PEBP4: variants seen among roughly 807,000 people sequenced by gnomAD.
PEBP4 encodes the protein phosphatidylethanolamine-binding protein 4.
Under a neutral mutation model 23.9 loss-of-function variants are expected in PEBP4, and 22 were observed. The observed-to-expected ratio is 0.92, with a 90% CI of 0.66 to 1.31. PEBP4 has a LOEUF of 1.31. PEBP4 is among the 40% of genes most tolerant of loss of function. The pLI, the probability that PEBP4 is intolerant of heterozygous loss-of-function variation, is 0.00. For synonymous variants in PEBP4, 112 were observed against 99.3 expected (o/e 1.13, Z -0.76); for missense variants, 324 against 281.7 (o/e 1.15, Z -1.07).
At chr8:22,836,850 G>C (rs1225964076) in intron 3 of PEBP4, among the ~76,000 whole-genome samples, 1 of 151,714 alleles carries the variant, frequency 6.6e-6, no homozygotes, top group Non-Finnish European at 1.5e-5. Flanking sequence ...CATACTGCAT[G>C]AAAGGGAGAG....
chr8:22,867,160 C>T (rs982419620), intron 3 of PEBP4, among the ~76,000 whole-genome samples: 2 of 152,166 alleles, frequency 1.3e-5, no homozygotes, highest in African/African-American at 4.8e-5. Flanking sequence ...CTAAGAGAGC[C>T]ATCCCAGAGT....
intron 4 of PEBP4, among the ~76,000 whole-genome samples, chr8:22,809,220 C>T (rs1806564504): frequency 6.6e-6 from 1 of 152,132 alleles, no homozygotes; most frequent in African/African-American, 2.4e-5. Context: ...CCTGCGAGGT[C>T]GACTTTAGTT....
At chr8:22,734,084 G>A (rs773618201) in intron 4 of PEBP4, among the ~76,000 whole-genome samples, 1 of 152,250 alleles carries the variant, frequency 6.6e-6, no homozygotes, top group Non-Finnish European at 1.5e-5. Flanking sequence ...AGGCTGCCAA[G>A]TGGCAAAGGA....
At chr8:22,888,618 G>T (rs1808431683) in intron 3 of PEBP4, among the ~76,000 whole-genome samples, 1 of 152,226 alleles carries the variant, frequency 6.6e-6, no homozygotes, top group South Asian at 2.1e-4. Flanking sequence ...CGCATCCCCA[G>T]ATTTCCAACC....
At chr8:22,760,594 C>T (rs541584658) in intron 4 of PEBP4, among the ~76,000 whole-genome samples, 5 of 151,980 alleles carry the variant, frequency 3.3e-5, no homozygotes, top group South Asian at 2.1e-4. Context: ...GAGTGGACAA[C>T]GTGTGTGTGT....
intron 3 of PEBP4, among the ~76,000 whole-genome samples, chr8:22,899,200 C>T (rs1343445722): frequency 6.6e-6 from 1 of 152,226 alleles, no homozygotes; most frequent in Non-Finnish European, 1.5e-5. Flanking sequence ...GCCAGCCCAG[C>T]TCTCTGGAGG....
At chr8:22,880,177 C>T (rs189133598) in intron 3 of PEBP4, among the ~76,000 whole-genome samples, 82 of 152,256 alleles carry the variant, frequency 5.4e-4, no homozygotes, top group African/African-American at 1.9e-3. Flanking sequence ...GGTGACAAAG[C>T]ACAGGCACTC....
chr8:22,920,167 C>A lies in PEBP4; in HGVS notation c.258+17G>T. ...CCCCAACTGTCCCCCCGCTTTAACA[C>A]AGCCCTGCTCACTCACGTCCACGGC... On this transcript the variant is annotated intron_variant, in intron 3 of 6. Transcript: ENST00000256404. 2 of 1,604,880 alleles carry A rather than the reference C, an allele frequency of 1.2e-6. No individual in the cohort carries two copies. The highest frequency in any genetic ancestry group is 1.7e-6 in the Non-Finnish European group (2 of 1,173,216).
At chr8:22,737,352 G>A (rs761409298) in intron 4 of PEBP4, among the ~76,000 whole-genome samples, 100 of 150,708 alleles carry the variant, frequency 6.6e-4, no homozygotes, top group Non-Finnish European at 9.7e-4. Context: ...GCTTCCACCT[G>A]CCCCAGCCTC....
intron 3 of PEBP4, among the ~76,000 whole-genome samples, chr8:22,830,738 G>C (rs1219633295): frequency 6.6e-6 from 1 of 151,854 alleles, no homozygotes; most frequent in Non-Finnish European, 1.5e-5. Context: ...GCCAATTCTT[G>C]TCAATTCAGC....
chr8:22,923,313 T>A (rs1284188537), intron 2 of PEBP4, among the ~76,000 whole-genome samples: 1 of 152,170 alleles, frequency 6.6e-6, no homozygotes, highest in African/African-American at 2.4e-5. Context: ...AAGCCTGTAA[T>A]CCCAGCACTT....
At chr8:22,812,411 A>G (rs1288846120) in intron 4 of PEBP4, among the ~76,000 whole-genome samples, 2 of 152,198 alleles carry the variant, frequency 1.3e-5, no homozygotes, top group Non-Finnish European at 2.9e-5. Context: ...GGGTGGCCAC[A>G]TACAAGTCTG....
intron 3 of PEBP4, among the ~76,000 whole-genome samples, chr8:22,832,279 A>T (rs1807101930): frequency 1.3e-5 from 2 of 152,114 alleles, no homozygotes; most frequent in African/African-American, 4.8e-5. Context: ...GGTAGTGATG[A>T]GGGTGGAGCC....
chr8:22,848,871 G>A (rs758644339), intron 3 of PEBP4, among the ~76,000 whole-genome samples: 6 of 152,198 alleles, frequency 3.9e-5, no homozygotes, highest in Admixed American at 1.3e-4. Flanking sequence ...AAAGACAAAC[G>A]TACACTGTCT....
rs1808634003 is a variant in PEBP4, at chr8:22,898,389, CCCAAAAA to C, written c.258+21788_258+21794del. The stretch of plus-strand genomic sequence containing the variant: ...CCTGAGCGACAGAGGAAGACTCCAC[CCCAAAAA>C]AAAAAAAAAAAAAAAAAAAAAAAAA... On this transcript the variant is annotated intron_variant, in intron 3 of 6. Coordinates refer to ENST00000256404, the MANE Select transcript of PEBP4 (RefSeq NM_144962.3). Among the ~76,000 whole-genome samples the C allele has an allele frequency of 9.2e-5, 8 of 86,684 alleles. 1 individual carries two copies. Among genetic ancestry groups the C allele is most frequent in the South Asian group, 4.9e-4 (1 of 2,054 alleles). The allele number at this position is 86,684 out of a possible 152,430, so 56.9% of individuals were successfully genotyped here.
At chr8:22,851,510 C>A (rs961492321) in intron 3 of PEBP4, among the ~76,000 whole-genome samples, 1 of 152,108 alleles carries the variant, frequency 6.6e-6, no homozygotes, top group Non-Finnish European at 1.5e-5. Context: ...GAGAAGGAAA[C>A]TGAGCTCAGG....
intron 3 of PEBP4, among the ~76,000 whole-genome samples, chr8:22,822,326 G>A (rs1479623780): frequency 6.7e-6 from 1 of 149,520 alleles, no homozygotes; most frequent in African/African-American, 2.5e-5. Flanking sequence ...AAAGAAAATA[G>A]TAGGTGAAAA....
In PEBP4 at chr8:22,883,003, C is replaced by A. The variant is rs138952323; in HGVS notation, c.258+37181G>T. On this transcript the variant is annotated intron_variant, in intron 3 of 6. Coordinates refer to ENST00000256404, the MANE Select transcript of PEBP4 (RefSeq NM_144962.3). Reference sequence around the variant, plus strand: ...GCCTCCCAACCGAGCCTGGGGTATCCCCCATGTGGCCCTGCGAGACATACC... The same window carrying A: ...GCCTCCCAACCGAGCCTGGGGTATCACCCATGTGGCCCTGCGAGACATACC... Among the ~76,000 whole-genome samples, 4 of 152,282 alleles carry A rather than the reference C, an allele frequency of 2.6e-5. No homozygotes were observed. The East Asian group carries it at 5.8e-4, about 22-fold the overall frequency.
In PEBP4 at chr8:22,777,407, G is replaced by A. The variant is rs557501300; in HGVS notation, c.357+40230C>T. ...CTAAGCTGTGAGAGTGACCTGGGCTGGAGCCCAGGGTGGGCCTGGCCTAGA... is the reference window on the plus strand; with the variant it reads ...CTAAGCTGTGAGAGTGACCTGGGCTAGAGCCCAGGGTGGGCCTGGCCTAGA... On this transcript the variant is annotated intron_variant, in intron 4 of 6. Transcript: ENST00000256404. Among the ~76,000 whole-genome samples, 10 of 152,318 alleles carry A rather than the reference G, an allele frequency of 6.6e-5. No individual in the cohort carries two copies. In the South Asian group the frequency reaches 1.9e-3, roughly 28 times the overall value.
Sources: allele counts gnomAD v4.1 joint callset (sites outside exome capture counted in the v4.1 genomes callset), GRCh38; gene constraint gnomAD v4.1.1; transcripts MANE v1.5; gene names NCBI Gene and HGNC (gene_info 2026-07-23, HGNC 2026-07-21).